The following CHN2 variants were observed in gnomAD, a reference collection of about 807,000 sequenced individuals.
CHN2 encodes the protein chimerin 2.
A neutral mutation model predicts 56.3 loss-of-function variants in CHN2; 35 were observed. That is an observed-to-expected ratio of 0.62 (90% CI 0.47 to 0.82). The LOEUF (loss-of-function observed/expected upper bound fraction) is 0.82. Ranked by LOEUF, CHN2 falls within the 40% of genes least tolerant of loss-of-function variation. The probability of loss-of-function intolerance (pLI) is 0.00; values close to 1 mark genes in which losing one functional copy is unlikely to be tolerated. For synonymous variants in CHN2, 210 were observed against 212.8 expected (o/e 0.99, Z 0.12); for missense variants, 491 against 580.5 (o/e 0.85, Z 1.58).
intron 1 of CHN2, among the ~76,000 whole-genome samples, chr7:29,337,233 T>C (rs1796697747): frequency 6.6e-6 from 1 of 152,182 alleles, no homozygotes; most frequent in African/African-American, 2.4e-5. Context: ...CTTATGACCG[T>C]GCTGCTGAAA....
chr7:29,260,224 A>T (rs2128830207), intron 1 of CHN2, among the ~76,000 whole-genome samples: 1 of 152,242 alleles, frequency 6.6e-6, no homozygotes, highest in South Asian at 2.1e-4. Context: ...TGATCTGCCC[A>T]TCTTGGCCTC....
chr7:29,148,526 C>G (rs1159612408), intron 2 of CHN2: 1 of 152,192 alleles, frequency 6.6e-6, no homozygotes, highest in Non-Finnish European at 1.5e-5. Context: ...ATATGGCATA[C>G]ATTAACCAGA....
chr7:29,152,816 C>CA (rs1793786788), intron 2 of CHN2, among the ~76,000 whole-genome samples: 1 of 152,194 alleles, frequency 6.6e-6, no homozygotes, highest in African/African-American at 2.4e-5. Context: ...GCAAGCAAAA[C>CA]AAAATACACT....
At chr7:29,168,015 A>T (rs1295991394) in intron 2 of CHN2, among the ~76,000 whole-genome samples, 3 of 152,162 alleles carry the variant, frequency 2.0e-5, no homozygotes, top group African/African-American at 7.2e-5. Flanking sequence ...TTCCCAGATG[A>T]CCTAAACTGG....
At chr7:29,296,246 G>A (rs990265307) in intron 1 of CHN2, among the ~76,000 whole-genome samples, 7 of 152,008 alleles carry the variant, frequency 4.6e-5, no homozygotes, top group South Asian at 2.1e-4. Context: ...ACCACGCCCA[G>A]CTAATTTTGT....
intron 1 of CHN2, among the ~76,000 whole-genome samples, chr7:29,281,832 C>T (rs1440740938): frequency 2.0e-5 from 3 of 152,190 alleles, no homozygotes; most frequent in Non-Finnish European, 4.4e-5. Context: ...CCTCCTTGTC[C>T]TCATCTCCCT....
intron 1 of CHN2, among the ~76,000 whole-genome samples, chr7:29,226,619 C>A (rs531251181): frequency 6.6e-6 from 1 of 152,108 alleles, no homozygotes; most frequent in African/African-American, 2.4e-5. Context: ...AACACTCACT[C>A]AATATAAAAA....
intron 6 of CHN2, among the ~76,000 whole-genome samples, chr7:29,473,479 T>TGTGTGTGTGTG (rs1401353753): frequency 7.8e-6 from 1 of 128,966 alleles, no homozygotes; most frequent in Admixed American, 7.6e-5. Context: ...TGTTTTTTTT[T>TGTGTGTGTGTG]TTTTGTGTGT....
At chr7:29,263,179 C>A (rs891884162) in intron 1 of CHN2, among the ~76,000 whole-genome samples, 22 of 152,324 alleles carry the variant, frequency 1.4e-4, no homozygotes, top group African/African-American at 5.3e-4. Context: ...CAGGCACGCG[C>A]CGCCACGCCT....
In CHN2 at chr7:29,195,649, T is replaced by TGTGAGA. The variant is rs1554358914; in HGVS notation, c.49+660_49+661insTGAGAG. Reference sequence around the variant, plus strand: ...GAGAGAGTGTGTGTGTGTGTGTGTGTGAGAGAGAGAGAGAGAGAGACTCCT... The same window carrying TGTGAGA: ...GAGAGAGTGTGTGTGTGTGTGTGTGTGTGAGAGAGAGAGAGAGAGAGAGAGACTCCT... On this transcript the variant is annotated intron_variant, in intron 1 of 12. Transcript: ENST00000222792. Among the ~76,000 whole-genome samples, 44 of 130,728 alleles carry TGTGAGA rather than the reference T, an allele frequency of 3.4e-4. No homozygotes were observed. The South Asian group carries it at 4.6e-3, about 14-fold the overall frequency. The allele number at this position is 130,728 out of a possible 152,430, so 85.8% of individuals were successfully genotyped here. A position where few individuals can be genotyped will look rare whatever the true frequency, so the allele number is the denominator to read the frequency against.
chr7:29,376,989 C>G (rs1800125391), intron 3 of CHN2, among the ~76,000 whole-genome samples: 1 of 152,056 alleles, frequency 6.6e-6, no homozygotes, highest in South Asian at 2.1e-4. Context: ...ATTAACAAAG[C>G]TATTTCAAAT....
At chr7:29,204,654 C>G (rs1046999111) in intron 1 of CHN2, among the ~76,000 whole-genome samples, 18 of 152,150 alleles carry the variant, frequency 1.2e-4, no homozygotes, top group Non-Finnish European at 4.4e-5. Context: ...GGATCTGCCT[C>G]ATGATCAATG....
chr7:29,509,046 A>G (rs1010034531), intron 11 of CHN2, among the ~76,000 whole-genome samples: 2 of 152,194 alleles, frequency 1.3e-5, no homozygotes, highest in Non-Finnish European at 2.9e-5. Context: ...TGGTTTACAG[A>G]TTCATGGAGG....
chr7:29,340,611 C>A (rs957959937), intron 1 of CHN2, among the ~76,000 whole-genome samples: 46 of 152,200 alleles, frequency 3.0e-4, no homozygotes, highest in African/African-American at 1.1e-3. Flanking sequence ...TGTGTACCAA[C>A]TGGACAGTGC....
At chr7:29,365,576 A>G (rs1283927169) in intron 2 of CHN2, among the ~76,000 whole-genome samples, 1 of 152,222 alleles carries the variant, frequency 6.6e-6, no homozygotes, top group Non-Finnish European at 1.5e-5. Context: ...AGGGGCAGAT[A>G]ACAAGAGGTA....
intron 1 of CHN2, among the ~76,000 whole-genome samples, chr7:29,245,206 A>AT (rs1397091012): frequency 6.6e-6 from 1 of 152,102 alleles, no homozygotes; most frequent in Non-Finnish European, 1.5e-5. Context: ...TTGACTGTGG[A>AT]TTTTTCAAGC....
intron 7 of CHN2, among the ~76,000 whole-genome samples, chr7:29,486,296 T>C (rs1177662345): frequency 6.6e-6 from 1 of 152,214 alleles, no homozygotes; most frequent in East Asian, 1.9e-4. Context: ...ACAGTTGAGC[T>C]TTCGGAGCCC....
intron 1 of CHN2, chr7:29,195,277 G>T: frequency 2.6e-6 from 1 of 381,564 alleles, no homozygotes; most frequent in Non-Finnish European, 4.7e-6. Flanking sequence ...CGAAAGGAGC[G>T]GGCAGGCTCG....
chr7:29,352,443 G>A (rs377738896), intron 1 of CHN2, among the ~76,000 whole-genome samples: 158 of 152,054 alleles, frequency 1.0e-3, no homozygotes, highest in African/African-American at 3.7e-3. Flanking sequence ...ATAGAGGGCC[G>A]GGGCACGGTG....
Sources: gnomAD v4.1 joint callset for allele counts (sites outside exome capture counted in the v4.1 genomes callset) on GRCh38, gnomAD v4.1.1 for gene constraint, MANE v1.5 for transcripts, NCBI Gene and HGNC (gene_info 2026-07-23, HGNC 2026-07-21) for gene names.